CABLES1: variants seen among roughly 807,000 people sequenced by gnomAD.
CABLES1 encodes Cdk5 and Abl enzyme substrate 1.
CABLES1 carries 36 observed loss-of-function variants against 57.8 expected under a neutral mutation model. The ratio of observed to expected loss-of-function variants is 0.62; its 90% CI spans 0.48 to 0.82. The LOEUF (loss-of-function observed/expected upper bound fraction) is 0.82, where lower values mean the gene tolerates loss of function less well. CABLES1 is among the 40% of genes least tolerant of loss of function. The pLI is 0.00. For synonymous variants in CABLES1, 374 were observed against 363.0 expected, an observed-to-expected ratio of 1.03 and a Z score of -0.35; for missense variants, 767 against 836.6, an observed-to-expected ratio of 0.92 and a Z score of 1.03.
intron 3 of CABLES1, among the ~76,000 whole-genome samples, chr18:23,206,470 A>G (rs1029592168): frequency 1.3e-5 from 2 of 152,278 alleles, no homozygotes; most frequent in East Asian, 3.8e-4. Flanking sequence ...TTTAAGGCCC[A>G]TGAGTGATGG....
At chr18:23,194,360 C>G in intron 2 of CABLES1, 88 bp from the exon 3 acceptor site, 1 of 793,938 alleles carries the variant, frequency 1.3e-6, no homozygotes, top group Non-Finnish European at 2.2e-6. Context: ...AGCCATTTGT[C>G]TGGTCCTTCC....
chr18:23,143,324 T>C (rs1449477125), intron 1 of CABLES1, among the ~76,000 whole-genome samples: 1 of 152,202 alleles, frequency 6.6e-6, no homozygotes, highest in Non-Finnish European at 1.5e-5. Flanking sequence ...GACACCTTTA[T>C]TGCCTCTCTG....
intron 4 of CABLES1, 119 bp downstream of exon 4, chr18:23,214,173 A>G: frequency 1.5e-6 from 1 of 667,636 alleles, no homozygotes; most frequent in South Asian, 1.9e-5. Context: ...CTGCAAATTC[A>G]GTATTTGTAC....
At chr18:23,184,841 A>G (rs959746787) in intron 1 of CABLES1, among the ~76,000 whole-genome samples, 2 of 152,232 alleles carry the variant, frequency 1.3e-5, no homozygotes, top group Non-Finnish European at 2.9e-5. Flanking sequence ...TAGTGTCCTC[A>G]CATGGCAGAA....
At chr18:23,199,801 T>C (rs2047310096) in intron 3 of CABLES1, among the ~76,000 whole-genome samples, 1 of 152,228 alleles carries the variant, frequency 6.6e-6, no homozygotes, top group Non-Finnish European at 1.5e-5. Flanking sequence ...TTAATGACAC[T>C]GAATAGCACA....
At position 23,181,002 on chromosome 18, in the gene CABLES1, C is replaced by T. The variant is rs117078733; in HGVS notation, c.846-7836C>T. On this transcript the variant is annotated intron_variant, in intron 1 of 9. Coordinates refer to ENST00000256925, the MANE Select transcript of CABLES1 (RefSeq NM_001100619.3). ...TTCTTGCTGGGTCCTGATTGGGCTC[C>T]TTGAGGCTTGGTGACTAAGTCGGTA... Among the ~76,000 whole-genome samples the T allele has an allele frequency of 5.7e-3, 863 of 152,238 alleles. 30 individuals carry two copies. Among genetic ancestry groups the T allele is most frequent in the Admixed American group, 0.041 (634 of 15,290 alleles).
At chr18:23,156,190 C>A (rs529218152) in intron 1 of CABLES1, among the ~76,000 whole-genome samples, 5 of 152,340 alleles carry the variant, frequency 3.3e-5, no homozygotes, top group African/African-American at 9.6e-5. Context: ...CAAGACCAGC[C>A]TTGGTATTTC....
chr18:23,221,917 A>G (rs2047490350), intron 4 of CABLES1, among the ~76,000 whole-genome samples: 1 of 152,194 alleles, frequency 6.6e-6, no homozygotes, highest in Non-Finnish European at 1.5e-5. Context: ...AGCCTGGCCG[A>G]GGAGGGAGCC....
chr18:23,246,463 C>T (rs569553830), intron 7 of CABLES1, among the ~76,000 whole-genome samples: 47 of 152,096 alleles, frequency 3.1e-4, no homozygotes, highest in African/African-American at 1.0e-3. Context: ...AAGATCTTGG[C>T]TCACTGCAAG....
chr18:23,165,851 C>T (rs1429726298), intron 1 of CABLES1, among the ~76,000 whole-genome samples: 3 of 152,202 alleles, frequency 2.0e-5, no homozygotes, highest in African/African-American at 7.2e-5. Flanking sequence ...TCTCCTCCCC[C>T]ATCTATCAGA....
At chr18:23,151,586 C>T (rs867957840) in intron 1 of CABLES1, among the ~76,000 whole-genome samples, 13 of 152,210 alleles carry the variant, frequency 8.5e-5, no homozygotes, top group African/African-American at 2.6e-4. Flanking sequence ...AGTAATCCAC[C>T]GACAGATGGA....
At chr18:23,184,848 A>G (rs2047191603) in intron 1 of CABLES1, among the ~76,000 whole-genome samples, 1 of 152,200 alleles carries the variant, frequency 6.6e-6, no homozygotes, top group Non-Finnish European at 1.5e-5. Flanking sequence ...CTCACATGGC[A>G]GAAAGGGAGC....
intron 4 of CABLES1, among the ~76,000 whole-genome samples, chr18:23,224,197 CAG>C (rs979011859): frequency 1.2e-4 from 18 of 147,590 alleles, no homozygotes; most frequent in African/African-American, 4.3e-4. Flanking sequence ...AACAGCTAAA[CAG>C]AGAGCTCTTC....
chr18:23,252,988 C>T lies in CABLES1; in HGVS notation c.1475C>T (p.Ser492Leu), dbSNP rs756944411. 22 of 1,613,214 alleles carry T rather than the reference C, an allele frequency of 1.4e-5. No individual in the cohort carries two copies. Among genetic ancestry groups the T allele is most frequent in the East Asian group, 4.5e-5 (2 of 44,862 alleles). Residue 492 changes from serine (S) to leucine (L), a missense_variant, in exon 8 of 10, where the codon TCG becomes TTG. Transcript: ENST00000256925. ...MTTVIDYVKP[S>L]DLKKDMNETF... ...ACAGTGATTGACTACGTGAAGCCCT[C>T]GGATCTCAAGAAGGACATGAACGAG...
At chr18:23,251,389 T>G (rs1333548628) in intron 7 of CABLES1, among the ~76,000 whole-genome samples, 1 of 152,068 alleles carries the variant, frequency 6.6e-6, no homozygotes, top group Non-Finnish European at 1.5e-5. Context: ...AGGCGGAGGT[T>G]GCAGTGAGCC....
chr18:23,154,391 C>T (rs1246211301), intron 1 of CABLES1, among the ~76,000 whole-genome samples: 1 of 152,162 alleles, frequency 6.6e-6, no homozygotes, highest in Non-Finnish European at 1.5e-5. Context: ...TAATAGCGTG[C>T]CTGTTTAACT....
Position 23,234,632 on chromosome 18 carries a change from A to G in CABLES1, c.1113A>G (p.Arg371=). 6.2e-7 allele frequency: 1 copy of G among 1,613,900 alleles called. No homozygotes were observed. Among genetic ancestry groups the G allele is most frequent in the Non-Finnish European group, 8.5e-7 (1 of 1,179,830 alleles). Residue 371 remains arginine, a synonymous_variant, in exon 5 of 10, where the codon AGA becomes AGG. Transcript: ENST00000256925. ...GGGACTTGAAGTTGGACGGAGGAAG[A>G]CAATCAACTGGTGCAGTGAGTTTGA... ...QVGDLKLDGG[R]QSTGAVSLKE... is the part of the protein sequence containing the mutation.
chr18:23,192,814 G>A (rs1331706161), intron 2 of CABLES1, among the ~76,000 whole-genome samples: 2 of 152,194 alleles, frequency 1.3e-5, no homozygotes, highest in African/African-American at 4.8e-5. Flanking sequence ...AGGAAGAAAT[G>A]AGGCTGTTTG....
intron 1 of CABLES1, among the ~76,000 whole-genome samples, chr18:23,176,584 C>T (rs1430356427): frequency 6.6e-6 from 1 of 152,012 alleles, no homozygotes; most frequent in Non-Finnish European, 1.5e-5. Context: ...AGAGAATAAA[C>T]ATGGGTAGCC....
Sources: gnomAD v4.1 joint callset for allele counts (sites outside exome capture counted in the v4.1 genomes callset) on GRCh38, gnomAD v4.1.1 for gene constraint, MANE v1.5 for transcripts, NCBI Gene and HGNC (gene_info 2026-07-23, HGNC 2026-07-21) for gene names.